Variants in UBAP2L observed in about 807,000 individuals in gnomAD.
UBAP2L encodes the protein ubiquitin associated protein 2 like.
In UBAP2L, 12 loss-of-function variants were observed where a neutral mutation model predicts 130.6. The ratio of observed to expected loss-of-function variants is 0.09; its 90% CI spans 0.06 to 0.15. The LOEUF is 0.15. Ranked by LOEUF, UBAP2L falls within the 10% of genes least tolerant of loss-of-function variation. The pLI is 1.00. For synonymous variants in UBAP2L, 503 were observed against 524.7 expected (o/e 0.96, Z 0.57); for missense variants, 965 against 1,332.5 (o/e 0.72, Z 4.29).
At chr1:154,229,506 ACTCTGT>A in intron 4 of UBAP2L, among the ~76,000 whole-genome samples, 1 of 151,630 alleles carries the variant, frequency 6.6e-6, no homozygotes, top group Middle Eastern at 3.4e-3. Flanking sequence ...CCAGGGTCTT[ACTCTGT>A]GGCCCTGGCT....
At chr1:154,250,674 C>A (rs1174936022) in intron 12 of UBAP2L, among the ~76,000 whole-genome samples, 1 of 151,838 alleles carries the variant, frequency 6.6e-6, no homozygotes, top group Admixed American at 6.6e-5. Context: ...GCCAACATGA[C>A]AAAACCCCGT....
chr1:154,236,646 T>C, intron 7 of UBAP2L, 35 bp downstream of exon 7: 1 of 1,612,472 alleles, frequency 6.2e-7, no homozygotes, highest in Non-Finnish European at 8.5e-7. Context: ...TAATTTTTTT[T>C]CCCTTAAAAA....
chr1:154,253,184 A>G (rs1042913116), intron 14 of UBAP2L, among the ~76,000 whole-genome samples: 4 of 151,186 alleles, frequency 2.6e-5, no homozygotes, highest in African/African-American at 9.7e-5. Flanking sequence ...TTGTATTTTT[A>G]GTAGAGACAA....
At chr1:154,263,185 G>A in intron 24 of UBAP2L, 3 of 1,551,138 alleles carry the variant, frequency 1.9e-6, no homozygotes, top group Non-Finnish European at 2.6e-6. Context: ...TGTTTTGTGT[G>A]TGTGTATAAA....
downstream of UBAP2L, chr1:154,271,417 A>T (rs1684681846): frequency 6.6e-6 from 1 of 152,510 alleles, no homozygotes. Flanking sequence ...TCACTAAAGA[A>T]CTCATCCATG....
chr1:154,249,635 A>G (rs1676805425), intron 12 of UBAP2L, among the ~76,000 whole-genome samples, 198 bp downstream of exon 12: 1 of 152,086 alleles, frequency 6.6e-6, no homozygotes, highest in Admixed American at 6.5e-5. Context: ...GAGGCTATGT[A>G]TTTCTCATCA....
chr1:154,258,380 ATAAG>A lies in UBAP2L; in HGVS notation c.2443-595_2443-592del, dbSNP rs751127334. On this transcript the variant is annotated intron_variant, in intron 20 of 26. Transcript: ENST00000428931. Reference sequence around the variant, plus strand: ...CCTGACTCAATCTGGGACTTTGAGAATAAGTGGCTGACATTAGTAGCTTTTTGCC... The same window carrying A: ...CCTGACTCAATCTGGGACTTTGAGAATGGCTGACATTAGTAGCTTTTTGCC... 2.6e-5 allele frequency among the ~76,000 whole-genome samples: 4 copies of A among 152,232 alleles called. No homozygotes were observed. The East Asian group carries it at 7.7e-4, about 29-fold the overall frequency.
intron 20 of UBAP2L, 62 bp from the exon 21 acceptor site, chr1:154,258,915 G>T: frequency 7.1e-7 from 1 of 1,400,052 alleles, no homozygotes; most frequent in Middle Eastern, 1.8e-4. Flanking sequence ...TTGTCTCTTG[G>T]CTCCTTGTTT....
chr1:154,269,185 G>C (rs1572003135), intron 26 of UBAP2L: 2 of 819,434 alleles, frequency 2.4e-6, no homozygotes, highest in African/African-American at 1.7e-5. Context: ...AATTCCTTTG[G>C]TGCCCTTCTC....
At chr1:154,245,550 A>G (rs892932869) in intron 10 of UBAP2L, among the ~76,000 whole-genome samples, 3 of 152,208 alleles carry the variant, frequency 2.0e-5, no homozygotes, top group Non-Finnish European at 4.4e-5. Context: ...AATGACAGGT[A>G]TTCAGTATTA....
At chr1:154,236,906 A>G in intron 7 of UBAP2L, 118 bp from the exon 8 acceptor site, 1 of 779,282 alleles carries the variant, frequency 1.3e-6, no homozygotes, top group Non-Finnish European at 2.1e-6. Context: ...ACAGGATTAT[A>G]GAATGGGGCC....
intron 10 of UBAP2L, among the ~76,000 whole-genome samples, chr1:154,244,726 T>C (rs1162279804): frequency 6.6e-6 from 1 of 152,104 alleles, no homozygotes; most frequent in Non-Finnish European, 1.5e-5. Flanking sequence ...GGGCAAGGTA[T>C]GAATGGGTAT....
chr1:154,236,498 C>T, intron 6 of UBAP2L, 68 bp from the exon 7 acceptor site: 1 of 1,572,926 alleles, frequency 6.4e-7, no homozygotes, highest in Non-Finnish European at 8.7e-7. Flanking sequence ...CTGTGCCTGC[C>T]TGGCAAGGAA....
Position 154,246,283 on chromosome 1 carries a change from CCTT to C in UBAP2L, c.925_927del (p.Ser309del). On this transcript the variant is annotated inframe_deletion, in exon 11 of 27. Transcript: ENST00000428931. ...ATCTAATCTGGATCCGTCTCAGGCT[CCTT>C]CTCTGGCCCAGCCTCTGGTGTTCAG... is the stretch of plus-strand genomic sequence containing the variant. 3 of 1,613,864 alleles carry C rather than the reference CCTT, an allele frequency of 1.9e-6. No homozygotes were observed. The highest frequency in any genetic ancestry group is 2.2e-5 in the East Asian group (1 of 44,880).
At chr1:154,256,420 T>A (rs1679673851) in intron 18 of UBAP2L, among the ~76,000 whole-genome samples, 1 of 152,158 alleles carries the variant, frequency 6.6e-6, no homozygotes, top group African/African-American at 2.4e-5. Flanking sequence ...GAGGATTGCT[T>A]GAGCCCAGGA....
At chr1:154,248,644 G>A (rs190898248) in intron 11 of UBAP2L, among the ~76,000 whole-genome samples, 4,430 of 152,130 alleles carry the variant, frequency 0.029, 210 homozygotes, top group African/African-American at 0.099. Flanking sequence ...GTGAAACGCT[G>A]TCTCTACTAA....
intron 9 of UBAP2L, chr1:154,241,924 G>C (rs1033359766): frequency 4.4e-6 from 1 of 227,302 alleles, no homozygotes; most frequent in Non-Finnish European, 7.3e-6. Context: ...ACTACTTGGT[G>C]CATTTAAGTA....
At chr1:154,269,274 C>T in intron 26 of UBAP2L, 1 of 1,283,228 alleles carries the variant, frequency 7.8e-7, no homozygotes. Context: ...TTCCCTCTTC[C>T]CTGACATTTT....
chr1:154,234,605 G>A lies in UBAP2L; in HGVS notation c.294G>A (p.Met98Ile). ...EGNPDTHSWE[M>I]VGKKKGVSGQ... ...CCCTTCTATAGCATTCCTGGGAGAT[G>A]GTCGGGAAGAAGAAGGGAGTCTCAG... The change falls in exon 5 of 27, where the codon ATG becomes ATA. Residue 98 changes from methionine to isoleucine, a missense_variant. By Grantham distance (10) the Met-to-Ile change is conservative. This residue lies in a region of UBAP2L where 34 missense variants were observed against 101.4 expected (regional missense o/e 0.34). Transcript: ENST00000428931. 1 of 1,614,050 alleles carries A rather than the reference G, an allele frequency of 6.2e-7. No homozygotes were observed. Among genetic ancestry groups the A allele is most frequent in the Non-Finnish European group, 8.5e-7 (1 of 1,179,994 alleles).
Sources: allele counts gnomAD v4.1 joint callset (sites outside exome capture counted in the v4.1 genomes callset), GRCh38; gene constraint gnomAD v4.1.1; regional missense constraint gnomAD v4.1.1; transcripts MANE v1.5; gene names NCBI Gene and HGNC (gene_info 2026-07-23, HGNC 2026-07-21).